Variants in NWD2 observed in about 807,000 individuals in gnomAD.
The protein encoded by NWD2 is NACHT and WD repeat domain containing 2, also known as NACHT and WD repeat domain-containing protein 2.
Under a neutral mutation model 132.7 loss-of-function variants are expected in NWD2, and 37 were observed. That is an observed-to-expected ratio of 0.28 (90% confidence interval 0.21 to 0.37). The LOEUF (loss-of-function observed/expected upper bound fraction) is 0.37, where lower values mean the gene tolerates loss of function less well. NWD2 is among the 10% of genes least tolerant of loss of function. NWD2 has a pLI of 1.00. For synonymous variants in NWD2, 705 were observed against 803.0 expected (o/e 0.88, Z 2.06); for missense variants, 1,592 against 2,122.4 (o/e 0.75, Z 4.91).
At chr4:37,371,410 T>C (rs1415723852) in intron 3 of NWD2, among the ~76,000 whole-genome samples, 2 of 152,194 alleles carry the variant, frequency 1.3e-5, no homozygotes, top group African/African-American at 4.8e-5. Context: ...AGTACATCTT[T>C]CTTATTAATC....
intron 1 of NWD2, among the ~76,000 whole-genome samples, chr4:37,258,634 A>C (rs1717566939): frequency 1.3e-5 from 2 of 152,210 alleles, no homozygotes; most frequent in South Asian, 4.1e-4. Flanking sequence ...GAGGCAGTCC[A>C]GCCTCTCCAG....
At chr4:37,331,527 A>G (rs56073141) in intron 2 of NWD2, among the ~76,000 whole-genome samples, 2,138 of 95,592 alleles carry the variant, frequency 0.022, 12 homozygotes, top group South Asian at 0.053. Context: ...GAGTATTTCT[A>G]TACAATACCA....
At chr4:37,398,184 A>C (rs1447591595) in intron 3 of NWD2, among the ~76,000 whole-genome samples, 1 of 152,238 alleles carries the variant, frequency 6.6e-6, no homozygotes, top group African/African-American at 2.4e-5. Flanking sequence ...CATTTTACTA[A>C]GGCCCAAGGC....
At chr4:37,294,919 G>A (rs1675017589) in intron 1 of NWD2, among the ~76,000 whole-genome samples, 4 of 152,182 alleles carry the variant, frequency 2.6e-5, no homozygotes, top group Admixed American at 6.5e-5. Flanking sequence ...AGATGACTTC[G>A]ATGTTTGAGG....
chr4:37,348,319 T>G (rs1719678570), intron 2 of NWD2, among the ~76,000 whole-genome samples: 1 of 152,096 alleles, frequency 6.6e-6, no homozygotes, highest in African/African-American at 2.4e-5. Context: ...CCTCAGCCAT[T>G]TAGTTTTCCC....
intron 3 of NWD2, among the ~76,000 whole-genome samples, chr4:37,359,311 C>T (rs930173755): frequency 5.9e-5 from 9 of 152,058 alleles, no homozygotes; most frequent in Admixed American, 4.6e-4. Context: ...ACGATAAAAC[C>T]CTGCAGATAG....
chr4:37,418,468 G>A (rs1711692197), intron 3 of NWD2, among the ~76,000 whole-genome samples: 2 of 152,042 alleles, frequency 1.3e-5, no homozygotes, highest in South Asian at 4.2e-4. Flanking sequence ...TCCTTCTAAC[G>A]AGTACAGTAT....
chr4:37,318,996 G>T (rs940530070), intron 1 of NWD2, among the ~76,000 whole-genome samples: 2 of 152,184 alleles, frequency 1.3e-5, no homozygotes, highest in African/African-American at 4.8e-5. Context: ...TATGTACCCA[G>T]TCATGGGATT....
In NWD2 at chr4:37,446,423, A is replaced by G. The variant is rs1269879738; in HGVS notation, c.4435A>G (p.Thr1479Ala). 1.3e-6 allele frequency: 2 copies of G among 1,551,646 alleles called. No homozygotes were observed. Among genetic ancestry groups the G allele is most frequent in the Non-Finnish European group, 1.7e-6 (2 of 1,147,012 alleles). Residue 1479 changes from threonine (T) to alanine (A), a missense_variant, in exon 7 of 7, where the codon ACC becomes GCC. Transcript: ENST00000309447. This position sits in a 1 kb window ranked among gnomAD's most constrained non-coding sequence, Gnocchi z 6.7. ...ITKKFCCEDG[T>A]TIVNFKLIPD... is the part of the protein sequence containing the mutation. ...CAAGAAATTTTGCTGTGAAGATGGG[A>G]CCACCATCGTGAATTTTAAATTAAT...
Position 37,304,910 on chromosome 4 carries a change from G to T in NWD2, c.152-21026G>T, listed in dbSNP as rs149123594. 2.6e-5 allele frequency among the ~76,000 whole-genome samples: 4 copies of T among 152,160 alleles called. No homozygotes were observed. In the East Asian group the frequency reaches 7.7e-4, roughly 29 times the overall value. On this transcript the variant is annotated intron_variant, in intron 1 of 6. Transcript: ENST00000309447. Reference sequence around the variant, plus strand: ...CAGTGCCCCGGCACGGACAGTGTGCGGGGGCTTCAATACCACACTTCCCTT... The same window carrying T: ...CAGTGCCCCGGCACGGACAGTGTGCTGGGGCTTCAATACCACACTTCCCTT...
intron 5 of NWD2, among the ~76,000 whole-genome samples, chr4:37,438,283 A>G (rs928071040): frequency 1.2e-4 from 19 of 152,220 alleles, no homozygotes; most frequent in African/African-American, 3.9e-4. Flanking sequence ...AAAAGAAAAA[A>G]AAATTTGCTT....
intron 3 of NWD2, among the ~76,000 whole-genome samples, chr4:37,404,145 G>A (rs115197194): frequency 0.024 from 3,658 of 152,228 alleles, 56 homozygotes; most frequent in Middle Eastern, 0.058. Context: ...TCAAAGTTAT[G>A]CAAACCTGAG....
At chr4:37,257,681 T>C (rs2109257788) in intron 1 of NWD2, among the ~76,000 whole-genome samples, 1 of 152,304 alleles carries the variant, frequency 6.6e-6, no homozygotes, top group Admixed American at 6.5e-5. Flanking sequence ...GTCATTATTC[T>C]CAAATCATGC....
At chr4:37,331,875 G>C (rs1719300290) in intron 2 of NWD2, among the ~76,000 whole-genome samples, 1 of 151,954 alleles carries the variant, frequency 6.6e-6, no homozygotes, top group South Asian at 2.1e-4. Flanking sequence ...TGTGTGCTTG[G>C]TGAAGGGAGA....
chr4:37,297,071 T>G (rs1718510105), intron 1 of NWD2, among the ~76,000 whole-genome samples: 1 of 152,128 alleles, frequency 6.6e-6, no homozygotes, highest in Non-Finnish European at 1.5e-5. Flanking sequence ...TTTACCACAT[T>G]TGCTTTATCC....
In NWD2 at chr4:37,444,171, C is replaced by A; in HGVS notation, c.2183C>A (p.Thr728Lys). Residue 728 changes from threonine to lysine, a missense_variant, in exon 7 of 7, where the codon ACA becomes AAA. Physicochemically the swap from Thr to Lys is moderately conservative, Grantham distance 78. Transcript: ENST00000309447. The surrounding 1 kb of genome is among the most constrained non-coding windows in gnomAD (Gnocchi z 4.8). ...YLIERHVKNV[T>K]LLVWANRHLQ... ...ATAGAAAGACATGTGAAAAATGTCA[C>A]ACTCCTAGTCTGGGCCAACAGACAC... The A allele has an allele frequency of 6.4e-7, 1 of 1,551,720 alleles. No homozygotes were observed. Among genetic ancestry groups the A allele is most frequent in the Non-Finnish European group, 8.7e-7 (1 of 1,146,992 alleles).
At chr4:37,355,812 T>TATATATTTTCAG (rs1172631594) in intron 2 of NWD2, among the ~76,000 whole-genome samples, 1 of 152,170 alleles carries the variant, frequency 6.6e-6, no homozygotes, top group Non-Finnish European at 1.5e-5. Flanking sequence ...GTTTTTCAGA[T>TATATATTTTCAG]ATATATTGAT....
chr4:37,320,733 C>T (rs1420708414), intron 1 of NWD2, among the ~76,000 whole-genome samples: 1 of 152,022 alleles, frequency 6.6e-6, no homozygotes, highest in Non-Finnish European at 1.5e-5. Flanking sequence ...AACTAAGAGG[C>T]TAGGAAAAGA....
intron 3 of NWD2, among the ~76,000 whole-genome samples, chr4:37,429,543 T>C (rs1712112952): frequency 6.6e-6 from 1 of 152,094 alleles, no homozygotes; most frequent in African/African-American, 2.4e-5. Flanking sequence ...CTTGAGCTCC[T>C]GGCCTCAAGT....
Sources: gnomAD v4.1 joint callset for allele counts (sites outside exome capture counted in the v4.1 genomes callset) on GRCh38, gnomAD v4.1.1 for gene constraint, Gnocchi (gnomAD v3.1) non-coding constraint, MANE v1.5 for transcripts, NCBI Gene and HGNC (gene_info 2026-07-23, HGNC 2026-07-21) for gene names.